Variants in RINT1 observed in about 807,000 individuals in gnomAD.
RINT1 encodes RAD50 interactor 1, also known as RAD50-interacting protein 1.
RINT1 carries 75 observed loss-of-function variants against 97.7 expected under a neutral mutation model. That is an observed-to-expected ratio of 0.77 (90% CI 0.64 to 0.93). RINT1 has a LOEUF of 0.93. Among genes scored for constraint, RINT1 ranks in the 40% least tolerant of loss-of-function variants. The probability of loss-of-function intolerance (pLI) is 0.00; values close to 1 mark genes in which losing one functional copy is unlikely to be tolerated. For missense variants in RINT1, 892 were observed against 925.2 expected, an observed-to-expected ratio of 0.96 and a Z score of 0.47; for synonymous variants, 303 against 326.3, an observed-to-expected ratio of 0.93 and a Z score of 0.77.
At chr7:105,532,763 C>G (rs1002430593) in intron 1 of RINT1, 61 bp from the exon 2 acceptor site, 1 of 1,564,012 alleles carries the variant, frequency 6.4e-7, no homozygotes, top group Non-Finnish European at 8.8e-7. Flanking sequence ...TTGGGAGCCC[C>G]GTATGCTTTC....
chr7:105,546,849 T>C lies in RINT1; in HGVS notation c.516-61T>C. ...CAAATCATGCCACTGCACTCCAACC[T>C]GGGCAACAGAGTGAGACTCTGTCTC... On this transcript the variant is annotated intron_variant, in intron 4 of 14. Coordinates refer to ENST00000257700, the MANE Select transcript of RINT1 (RefSeq NM_021930.6). The C allele has an allele frequency of 2.3e-6, 3 of 1,294,488 alleles. No individual in the cohort carries two copies. The South Asian group carries it at 4.3e-5, about 19-fold the overall frequency. 80.2% of individuals were successfully genotyped at this position (1,294,488 alleles called of 1,614,324 possible). A position where few individuals can be genotyped will look rare whatever the true frequency, so the allele number is the denominator to read the frequency against.
At chr7:105,546,829 C>G in intron 4 of RINT1, 81 bp from the exon 5 acceptor site, 1 of 977,348 alleles carries the variant, frequency 1.0e-6, no homozygotes, top group East Asian at 2.5e-5. Flanking sequence ...TGAGCCAAAT[C>G]ATGCCACTGC....
chr7:105,555,272 A>C, intron 11 of RINT1, 45 bp downstream of exon 11: 1 of 1,471,802 alleles, frequency 6.8e-7, no homozygotes, highest in Non-Finnish European at 9.3e-7. Context: ...ACTAGTTCGA[A>C]CTATTTTATT....
rs7777048 is a variant in RINT1, at chr7:105,549,056, C to G, written c.996+346C>G. On this transcript the variant is annotated intron_variant, in intron 7 of 14. Transcript: ENST00000257700. ...AGGCTGGAGTGCAGTGGCACAATCT[C>G]TGCTCACTGCAACCTCCACCTCCCA... 5.6e-3 allele frequency among the ~76,000 whole-genome samples: 852 copies of G among 151,602 alleles called. 8 individuals are homozygous for G. Among genetic ancestry groups the G allele is most frequent in the African/African-American group, 0.02 (818 of 41,264 alleles).
chr7:105,565,839 A>G (rs145446271), intron 14 of RINT1, among the ~76,000 whole-genome samples, 191 bp downstream of exon 14: 209 of 152,338 alleles, frequency 1.4e-3, no homozygotes, highest in African/African-American at 4.9e-3. Context: ...ATGACCTCAA[A>G]AAGTTTCAGA....
Position 105,567,270 on chromosome 7 carries a change from C to A in RINT1, c.2338C>A (p.Leu780Ile). The part of the protein sequence containing the change: ...YKLAQQDVEI[L>I]LNLRTNWPNT... The stretch of plus-strand genomic sequence containing the variant: ...ACTGGCTCAACAAGATGTTGAGATT[C>A]TACTTAATTTGAGGACAAATTGGCC... Residue 780 changes from leucine to isoleucine, a missense_variant, in exon 15 of 15, where the codon CTA becomes ATA. By Grantham distance (5) the Leu-to-Ile change is conservative. Coordinates refer to ENST00000257700, the MANE Select transcript of RINT1 (RefSeq NM_021930.6). 6.2e-7 allele frequency: 1 copy of A among 1,609,128 alleles called. No homozygotes were observed. The highest frequency in any genetic ancestry group is 1.1e-5 in the South Asian group (1 of 89,436).
intron 4 of RINT1, among the ~76,000 whole-genome samples, chr7:105,543,995 G>A (rs1790561582): frequency 6.6e-6 from 1 of 151,920 alleles, no homozygotes; most frequent in African/African-American, 2.4e-5. Flanking sequence ...AGCTACTTGG[G>A]AGGCTGAGGC....
At chr7:105,560,314 G>T (rs1364703951) in intron 11 of RINT1, among the ~76,000 whole-genome samples, 1 of 152,170 alleles carries the variant, frequency 6.6e-6, no homozygotes, top group Non-Finnish European at 1.5e-5. Flanking sequence ...GGCACCAAAG[G>T]ATAGGGCTGA....
At chr7:105,557,711 G>A (rs577162808) in intron 11 of RINT1, among the ~76,000 whole-genome samples, 47 of 152,134 alleles carry the variant, frequency 3.1e-4, no homozygotes, top group African/African-American at 1.1e-3. Flanking sequence ...CTATTTTAAT[G>A]TGAAAGAAAA....
chr7:105,534,132 G>A (rs934267370), intron 2 of RINT1, among the ~76,000 whole-genome samples: 4 of 151,568 alleles, frequency 2.6e-5, no homozygotes, highest in Non-Finnish European at 5.9e-5. Context: ...GTGCAGTGGC[G>A]CGATCTCGCC....
chr7:105,537,426 G>A (rs903650358), intron 3 of RINT1, among the ~76,000 whole-genome samples: 1 of 151,406 alleles, frequency 6.6e-6, no homozygotes, highest in Non-Finnish European at 1.5e-5. Flanking sequence ...TGCTATACCC[G>A]GCCACATTTC....
At chr7:105,556,031 G>A (rs550029763) in intron 11 of RINT1, among the ~76,000 whole-genome samples, 10 of 150,962 alleles carry the variant, frequency 6.6e-5, no homozygotes, top group Non-Finnish European at 1.3e-4. Flanking sequence ...AAATAGAATA[G>A]GAAAATGAAC....
intron 4 of RINT1, among the ~76,000 whole-genome samples, chr7:105,545,528 A>AT (rs201031207): frequency 0.02 from 2,761 of 141,204 alleles, 91 homozygotes; most frequent in African/African-American, 0.068. Context: ...ATATATATAT[A>AT]TATTTTTTTT....
intron 11 of RINT1, among the ~76,000 whole-genome samples, chr7:105,558,293 CAAAAAAAA>C (rs11345013): frequency 2.2e-4 from 30 of 139,212 alleles, no homozygotes; most frequent in African/African-American, 7.7e-4. Context: ...AAAACAGTCT[CAAAAAAAA>C]AAAAAAAATA....
chr7:105,551,444 C>T (rs1299024067), intron 9 of RINT1, 126 bp from the exon 10 acceptor site: 31 of 743,916 alleles, frequency 4.2e-5, no homozygotes, highest in Non-Finnish European at 6.3e-6. Flanking sequence ...TTTAGTACAA[C>T]CAGTGGGATA....
At chr7:105,537,831 C>T (rs80301546) in intron 3 of RINT1, among the ~76,000 whole-genome samples, 3,314 of 151,656 alleles carry the variant, frequency 0.022, 44 homozygotes, top group Non-Finnish European at 0.034. Flanking sequence ...AGTGACACTC[C>T]GTCTCAAAAA....
At chr7:105,553,187 G>A (rs1791009685) in intron 10 of RINT1, among the ~76,000 whole-genome samples, 1 of 150,468 alleles carries the variant, frequency 6.6e-6, no homozygotes, top group Non-Finnish European at 1.5e-5. Flanking sequence ...TTTTTCTGGA[G>A]TATTTCAAAG....
intron 11 of RINT1, among the ~76,000 whole-genome samples, chr7:105,560,727 G>T (rs1003617424): frequency 1.1e-4 from 17 of 147,868 alleles, no homozygotes; most frequent in South Asian, 4.3e-4. Context: ...TTTTATTTTG[G>T]TTTTTTTTTT....
rs767925162 is a variant in RINT1, at chr7:105,547,228, C to T, written c.734C>T (p.Ala245Val). ...ILAQLHWPFI[A>V]PPQSQTVGLS... ...GCACAGCTTCATTGGCCATTCATCG[C>T]ACCCCCTCAATCACAAACTGTTGGC... Residue 245 changes from alanine (A) to valine (V), a missense_variant, in exon 6 of 15, where the codon GCA (alanine) becomes GTA (valine). Physicochemically the swap from Ala to Val is moderately conservative, Grantham distance 64. Coordinates refer to ENST00000257700, the MANE Select transcript of RINT1 (RefSeq NM_021930.6). 8 of 1,614,070 alleles carry T rather than the reference C, an allele frequency of 5.0e-6. No individual in the cohort carries two copies. The Admixed American group carries it at 8.3e-5, about 17-fold the overall frequency.
Sources: allele counts gnomAD v4.1 joint callset (sites outside exome capture counted in the v4.1 genomes callset), GRCh38; gene constraint gnomAD v4.1.1; transcripts MANE v1.5; gene names NCBI Gene and HGNC (gene_info 2026-07-23, HGNC 2026-07-21).